Variants in ATP8A2 observed in about 807,000 individuals in gnomAD.
The protein encoded by ATP8A2 is ATPase phospholipid transporting 8A2, also known as phospholipid-transporting ATPase IB.
Under a neutral mutation model 165.6 loss-of-function variants are expected in ATP8A2, and 100 were observed. That is an observed-to-expected ratio of 0.60 (90% confidence interval 0.51 to 0.71). The LOEUF (loss-of-function observed/expected upper bound fraction) is 0.71, where lower values mean the gene tolerates loss of function less well. Among genes scored for constraint, ATP8A2 ranks in the 30% least tolerant of loss-of-function variants. ATP8A2 has a pLI of 0.00. For missense variants in ATP8A2, 1,227 were observed against 1,479.5 expected, an observed-to-expected ratio of 0.83 and a Z score of 2.80; for synonymous variants, 543 against 548.8, an observed-to-expected ratio of 0.99 and a Z score of 0.15.
At chr13:25,623,390 A>T (rs1022839453) in intron 24 of ATP8A2, among the ~76,000 whole-genome samples, 1 of 152,014 alleles carries the variant, frequency 6.6e-6, no homozygotes, top group Non-Finnish European at 1.5e-5. Flanking sequence ...AGTGAGACTT[A>T]GTCTCCACAA....
At chr13:25,373,985 A>G (rs1037202178) in intron 1 of ATP8A2, among the ~76,000 whole-genome samples, 2 of 152,144 alleles carry the variant, frequency 1.3e-5, no homozygotes, top group African/African-American at 4.8e-5. Flanking sequence ...TTTTTGAACA[A>G]GGGGCCCACC....
intron 33 of ATP8A2, among the ~76,000 whole-genome samples, chr13:25,916,676 G>C (rs1954277006): frequency 6.6e-6 from 1 of 152,164 alleles, no homozygotes; most frequent in African/African-American, 2.4e-5. Flanking sequence ...GGAAATCGAA[G>C]CCCAGAAAAG....
intron 1 of ATP8A2, among the ~76,000 whole-genome samples, chr13:25,451,851 G>GT (rs1389323426): frequency 7.6e-5 from 2 of 26,332 alleles, no homozygotes; most frequent in Non-Finnish European, 2.7e-4. Context: ...ATACCTTCAT[G>GT]GTTTTTTTTT....
rs556235857 is a variant in ATP8A2, at chr13:25,941,463, G to A, written c.3184-20112G>A. 1.4e-3 allele frequency among the ~76,000 whole-genome samples: 217 copies of A among 152,204 alleles called. 1 individual carries two copies. Among genetic ancestry groups the A allele is most frequent in the African/African-American group, 5.0e-3 (208 of 41,522 alleles). Reference sequence around the variant, plus strand: ...AGGAAGCACCTCTGTAGGAGGCAGCGTGTCTGGCCGTCTTCTGGCTGCAAT... The same window carrying A: ...AGGAAGCACCTCTGTAGGAGGCAGCATGTCTGGCCGTCTTCTGGCTGCAAT... On this transcript the variant is annotated intron_variant, in intron 33 of 36. Coordinates refer to ENST00000381655, the MANE Select transcript of ATP8A2 (RefSeq NM_016529.6).
At chr13:25,786,814 T>G (rs990403354) in intron 27 of ATP8A2, among the ~76,000 whole-genome samples, 2 of 150,060 alleles carry the variant, frequency 1.3e-5, no homozygotes, top group Non-Finnish European at 3.0e-5. Context: ...TGGAGTGCAG[T>G]GGTGGATCTC....
At position 25,528,210 on chromosome 13, in the gene ATP8A2, A is replaced by G. The variant is rs560416101; in HGVS notation, c.222-1789A>G. 8.5e-5 allele frequency among the ~76,000 whole-genome samples: 13 copies of G among 152,308 alleles called. No individual in the cohort carries two copies. The East Asian group carries it at 2.5e-3, about 29-fold the overall frequency. ...ACAGGGCCACTTAAACAAGGAGGAGATCCATGTCAGCAAATTTCTAGCTAA... is the reference window on the plus strand; with the variant it reads ...ACAGGGCCACTTAAACAAGGAGGAGGTCCATGTCAGCAAATTTCTAGCTAA... On this transcript the variant is annotated intron_variant, in intron 2 of 36. Transcript: ENST00000381655.
chr13:25,756,040 T>C (rs1403798746), intron 25 of ATP8A2, among the ~76,000 whole-genome samples: 1 of 152,144 alleles, frequency 6.6e-6, no homozygotes, highest in Non-Finnish European at 1.5e-5. Context: ...CCTGAAGACC[T>C]TGAGAGGCCT....
chr13:25,898,736 C>T (rs1430655370), intron 33 of ATP8A2, among the ~76,000 whole-genome samples: 3 of 152,210 alleles, frequency 2.0e-5, no homozygotes, highest in Admixed American at 1.3e-4. Context: ...ATGGTGGGCG[C>T]CCCTCCACCA....
chr13:25,460,515 C>T (rs1190667204), intron 1 of ATP8A2, among the ~76,000 whole-genome samples: 1 of 152,152 alleles, frequency 6.6e-6, no homozygotes, highest in Non-Finnish European at 1.5e-5. Context: ...CATAGCTTTT[C>T]TTTTTTGTTG....
At chr13:25,797,003 C>T (rs947172850) in intron 27 of ATP8A2, among the ~76,000 whole-genome samples, 1 of 152,204 alleles carries the variant, frequency 6.6e-6, no homozygotes, top group African/African-American at 2.4e-5. Flanking sequence ...CGCCATGGCT[C>T]ATGCCTATAA....
intron 1 of ATP8A2, among the ~76,000 whole-genome samples, chr13:25,431,218 C>A (rs2034601253): frequency 6.6e-6 from 1 of 152,082 alleles, no homozygotes; most frequent in South Asian, 2.1e-4. Context: ...GGTGTGATCT[C>A]AGCTCACCGC....
chr13:25,961,248 C>G (rs930496486), intron 33 of ATP8A2, among the ~76,000 whole-genome samples: 7 of 152,186 alleles, frequency 4.6e-5, no homozygotes, highest in Admixed American at 6.5e-5. Context: ...GTTTACTCCT[C>G]AGTGAAGCAG....
chr13:25,925,357 A>AC (rs1307223057), intron 33 of ATP8A2, among the ~76,000 whole-genome samples: 1 of 151,914 alleles, frequency 6.6e-6, no homozygotes, highest in East Asian at 2.0e-4. Flanking sequence ...ACATGGTGAA[A>AC]CCCCATCTCT....
At chr13:25,912,333 C>G (rs947240530) in intron 33 of ATP8A2, among the ~76,000 whole-genome samples, 1 of 152,014 alleles carries the variant, frequency 6.6e-6, no homozygotes, top group Non-Finnish European at 1.5e-5. Flanking sequence ...CATGTGAAAT[C>G]TAAAACAATC....
chr13:25,373,335 A>G (rs1195473450), intron 1 of ATP8A2, among the ~76,000 whole-genome samples: 1 of 152,092 alleles, frequency 6.6e-6, no homozygotes. Flanking sequence ...AGAGGGAAGC[A>G]AGCTTATCAG....
chr13:25,829,712 A>ATC (rs1951414953), intron 28 of ATP8A2, among the ~76,000 whole-genome samples: 1 of 105,806 alleles, frequency 9.5e-6, no homozygotes, highest in African/African-American at 3.9e-5. Flanking sequence ...ATATATATAT[A>ATC]TATATATATC....
chr13:25,968,168 G>A (rs1955825076), intron 34 of ATP8A2, among the ~76,000 whole-genome samples: 1 of 152,220 alleles, frequency 6.6e-6, no homozygotes, highest in Admixed American at 6.5e-5. Flanking sequence ...CTGCAGTTGG[G>A]GTCCTTGGAC....
chr13:25,597,853 T>C (rs1310204848), intron 24 of ATP8A2, among the ~76,000 whole-genome samples: 1 of 152,148 alleles, frequency 6.6e-6, no homozygotes, highest in African/African-American at 2.4e-5. Flanking sequence ...GCCAGAAGTT[T>C]TTTGTTTTTT....
At chr13:25,373,779 G>A (rs1435412044) in intron 1 of ATP8A2, among the ~76,000 whole-genome samples, 1 of 152,176 alleles carries the variant, frequency 6.6e-6, no homozygotes, top group Non-Finnish European at 1.5e-5. Context: ...AGATCCAAGA[G>A]GAGATGATTA....
Sources: gnomAD v4.1 joint callset for allele counts (sites outside exome capture counted in the v4.1 genomes callset) on GRCh38, gnomAD v4.1.1 for gene constraint, MANE v1.5 for transcripts, NCBI Gene and HGNC (gene_info 2026-07-23, HGNC 2026-07-21) for gene names.